MSRB3: variants seen among roughly 807,000 people sequenced by gnomAD.
MSRB3 encodes the protein methionine sulfoxide reductase B3, also known as methionine-R-sulfoxide reductase B3.
MSRB3 carries 13 observed loss-of-function variants against 21.0 expected under a neutral mutation model. The observed-to-expected ratio is 0.62, with a 90% CI of 0.40 to 0.98. The LOEUF is 0.98. Ranked by LOEUF, MSRB3 falls within the 50% of genes least tolerant of loss-of-function variation. MSRB3 has a pLI of 0.00. For synonymous variants in MSRB3, 87 were observed against 88.6 expected (o/e 0.98, Z 0.10); for missense variants, 199 against 230.3 (o/e 0.86, Z 0.88).
At chr12:65,411,256 T>G (rs1880702917) in intron 5 of MSRB3, among the ~76,000 whole-genome samples, 1 of 152,232 alleles carries the variant, frequency 6.6e-6, no homozygotes, top group African/African-American at 2.4e-5. Flanking sequence ...CCTTACTTAT[T>G]TTTTTGATTA....
intron 5 of MSRB3, among the ~76,000 whole-genome samples, chr12:65,409,176 GTT>G (rs1353348990): frequency 1.3e-4 from 20 of 151,450 alleles, no homozygotes; most frequent in African/African-American, 4.4e-4. Context: ...GTGTGTGTGT[GTT>G]TGTGTGTGTA....
chr12:65,370,469 C>A (rs1878257173), intron 5 of MSRB3, among the ~76,000 whole-genome samples: 1 of 152,026 alleles, frequency 6.6e-6, no homozygotes, highest in African/African-American at 2.4e-5. Flanking sequence ...GGTACAGGGT[C>A]TGGAATATAG....
chr12:65,372,113 C>T (rs936209063), intron 5 of MSRB3, among the ~76,000 whole-genome samples: 2 of 152,018 alleles, frequency 1.3e-5, no homozygotes, highest in African/African-American at 4.8e-5. Flanking sequence ...TATTAAAAGG[C>T]GTTAAAGTTT....
chr12:65,369,237 A>G (rs1441638994), intron 5 of MSRB3, among the ~76,000 whole-genome samples: 5 of 152,112 alleles, frequency 3.3e-5, no homozygotes, highest in African/African-American at 7.2e-5. Context: ...TGCAATAAGC[A>G]TTACATGACC....
intron 5 of MSRB3, among the ~76,000 whole-genome samples, chr12:65,371,611 A>C (rs755370124): frequency 6.6e-6 from 1 of 151,644 alleles, no homozygotes; most frequent in South Asian, 2.1e-4. Context: ...TCACACACCC[A>C]CACCCCCACC....
chr12:65,390,189 T>G (rs2136575594), intron 5 of MSRB3, among the ~76,000 whole-genome samples: 1 of 152,274 alleles, frequency 6.6e-6, no homozygotes, highest in African/African-American at 2.4e-5. Context: ...CTGAAGCTCT[T>G]TAATTCTGCT....
chr12:65,421,693 T>TA (rs1386865335), intron 5 of MSRB3, among the ~76,000 whole-genome samples: 2 of 152,202 alleles, frequency 1.3e-5, no homozygotes, highest in Non-Finnish European at 2.9e-5. Context: ...GAAGTTTTTT[T>TA]ACCTCCAGAC....
intron 1 of MSRB3, among the ~76,000 whole-genome samples, chr12:65,282,934 T>C (rs1424841771): frequency 6.6e-6 from 1 of 152,320 alleles, no homozygotes; most frequent in Non-Finnish European, 1.5e-5. Flanking sequence ...TTTTATGTTA[T>C]GAGGTTATAG....
At chr12:65,398,367 TGAG>T (rs1356332218) in intron 5 of MSRB3, among the ~76,000 whole-genome samples, 21 of 152,370 alleles carry the variant, frequency 1.4e-4, no homozygotes, top group African/African-American at 5.0e-4. Flanking sequence ...TCAGTGATGA[TGAG>T]CTTTTTTTCA....
intron 5 of MSRB3, among the ~76,000 whole-genome samples, chr12:65,389,060 T>C (rs1192538598): frequency 6.6e-6 from 1 of 152,200 alleles, no homozygotes; most frequent in Non-Finnish European, 1.5e-5. Context: ...CCATGCCCTT[T>C]TTCATGTCTT....
chr12:65,425,644 C>T (rs1472300789), intron 5 of MSRB3, among the ~76,000 whole-genome samples: 2 of 152,078 alleles, frequency 1.3e-5, no homozygotes, highest in Non-Finnish European at 2.9e-5. Context: ...TTTTGCCTCA[C>T]CCATCTCTCT....
chr12:65,328,557 G>T lies in MSRB3; in HGVS notation c.217G>T (p.Asp73Tyr), dbSNP rs1440104047. 6.2e-7 allele frequency: 1 copy of T among 1,612,594 alleles called. No individual in the cohort carries two copies. The highest frequency in any genetic ancestry group is 1.1e-5 in the South Asian group (1 of 91,042). The change falls in exon 4 of 7, where the codon GAT becomes TAT. Residue 73 changes from aspartate (D) to tyrosine (Y), a missense_variant. By Grantham distance (160) the Asp-to-Tyr change is radical. Coordinates refer to ENST00000308259, the MANE Select transcript of MSRB3 (RefSeq NM_001031679.3). Reference protein sequence around the residue: ...AFEGEYTHHKDPGIYKCVVCG... With the variant: ...AFEGEYTHHKYPGIYKCVVCG... ...TGAAGGAGAATACACACATCACAAAGATCCTGGAATATATAAATGTGTTGT... is the reference window on the plus strand; with the variant it reads ...TGAAGGAGAATACACACATCACAAATATCCTGGAATATATAAATGTGTTGT...
At chr12:65,463,065 C>G in intron 6 of MSRB3, 90 bp from the exon 7 acceptor site, 1 of 1,439,014 alleles carries the variant, frequency 6.9e-7, no homozygotes, top group Admixed American at 1.7e-5. Context: ...TCTCTACAGG[C>G]TGGTCATCCA....
At chr12:65,375,124 C>T (rs556445944) in intron 5 of MSRB3, among the ~76,000 whole-genome samples, 30 of 151,674 alleles carry the variant, frequency 2.0e-4, no homozygotes, top group Non-Finnish European at 3.2e-4. Context: ...GGATTACAGG[C>T]GTGAGCCACC....
intron 4 of MSRB3, among the ~76,000 whole-genome samples, chr12:65,356,504 T>G (rs1401389916): frequency 6.6e-6 from 1 of 151,936 alleles, no homozygotes; most frequent in Non-Finnish European, 1.5e-5. Context: ...GAACTGGTGG[T>G]ATTTGGTTAC....
At chr12:65,443,900 T>G (rs1283952414) in intron 5 of MSRB3, among the ~76,000 whole-genome samples, 2 of 152,198 alleles carry the variant, frequency 1.3e-5, no homozygotes, top group Non-Finnish European at 2.9e-5. Flanking sequence ...ATCATTCTAC[T>G]TTCTGTCTCT....
chr12:65,444,979 A>G (rs1882547933), intron 5 of MSRB3, among the ~76,000 whole-genome samples: 1 of 152,076 alleles, frequency 6.6e-6, no homozygotes, highest in South Asian at 2.1e-4. Context: ...TTATGTTGTG[A>G]TGACTTTCCA....
rs145235909 is a variant in MSRB3 at position 65,382,106 on chromosome 12, C to T, written c.292+13080C>T. 1.0e-3 allele frequency among the ~76,000 whole-genome samples: 158 copies of T among 152,134 alleles called. 2 individuals are homozygous for T. The highest frequency in any genetic ancestry group is 3.6e-3 in the African/African-American group (149 of 41,542). On this transcript the variant is annotated intron_variant, in intron 5 of 6. Coordinates refer to ENST00000308259, the MANE Select transcript of MSRB3 (RefSeq NM_001031679.3). ...AATATCATCCCTTTCTTCACAAAATCTGTCTATATATTACCATATTACCTT... is the reference window on the plus strand; with the variant it reads ...AATATCATCCCTTTCTTCACAAAATTTGTCTATATATTACCATATTACCTT...
chr12:65,294,224 G>C (rs1366748874), intron 1 of MSRB3, among the ~76,000 whole-genome samples: 4 of 152,126 alleles, frequency 2.6e-5, no homozygotes, highest in African/African-American at 7.2e-5. Context: ...AGTGTCTCCT[G>C]TTGGATCCAG....
Sources: gnomAD v4.1 joint callset for allele counts (sites outside exome capture counted in the v4.1 genomes callset) on GRCh38, gnomAD v4.1.1 for gene constraint, MANE v1.5 for transcripts, NCBI Gene and HGNC (gene_info 2026-07-23, HGNC 2026-07-21) for gene names.